Variants in ROR1 observed in about 807,000 individuals in gnomAD.
The protein encoded by ROR1 is inactive tyrosine-protein kinase transmembrane receptor ROR1.
A neutral mutation model predicts 78.8 loss-of-function variants in ROR1; 19 were observed. The ratio of observed to expected loss-of-function variants is 0.24; its 90% CI spans 0.17 to 0.35. The LOEUF is 0.35. Ranked by LOEUF, ROR1 falls within the 10% of genes least tolerant of loss-of-function variation. ROR1 has a pLI of 1.00. For missense variants in ROR1, 917 were observed against 1,177.8 expected (o/e 0.78, Z 3.24); for synonymous variants, 386 against 433.6 (o/e 0.89, Z 1.36).
In ROR1 at chr1:64,179,022, CAGAAAAA is replaced by C; in HGVS notation, c.*169_*175del. 1 of 156,502 alleles carries C rather than the reference CAGAAAAA, an allele frequency of 6.4e-6. No homozygotes were observed. The highest frequency in any genetic ancestry group is 1.1e-5 in the Non-Finnish European group (1 of 91,646). The allele number at this position is 156,502 out of a possible 1,614,324, so 9.7% of individuals were successfully genotyped here. On this transcript the variant is annotated 3_prime_UTR_variant, in exon 9 of 9. Transcript: ENST00000371079. ...TTACCAAGCAGGACAGACACTCGGC[CAGAAAAA>C]AAAAAAAAAAAAAAAAACAAGCAAA... is the stretch of plus-strand genomic sequence containing the variant.
intron 4 of ROR1, among the ~76,000 whole-genome samples, chr1:64,133,659 C>T (rs562574219): frequency 2.4e-4 from 36 of 152,372 alleles, no homozygotes; most frequent in African/African-American, 7.2e-4. Context: ...CAGCGGCGCA[C>T]GCTGGTGCCA....
At chr1:64,022,602 C>T (rs1036759188) in intron 2 of ROR1, among the ~76,000 whole-genome samples, 1 of 152,162 alleles carries the variant, frequency 6.6e-6, no homozygotes, top group African/African-American at 2.4e-5. Flanking sequence ...ATAAGGTAAC[C>T]CCAGGCCATT....
intron 1 of ROR1, among the ~76,000 whole-genome samples, chr1:63,847,041 C>T (rs1167431003): frequency 1.3e-5 from 2 of 152,196 alleles, no homozygotes; most frequent in African/African-American, 2.4e-5. Flanking sequence ...GCCTCTGTCC[C>T]CACAGCCCTG....
At chr1:64,084,633 G>A (rs147160506) in intron 4 of ROR1, among the ~76,000 whole-genome samples, 1 of 152,312 alleles carries the variant, frequency 6.6e-6, no homozygotes, top group East Asian at 1.9e-4. Context: ...GTCTTGTGAA[G>A]AGAAATGCAC....
intron 1 of ROR1, among the ~76,000 whole-genome samples, chr1:63,924,393 AG>A (rs1422402647): frequency 6.6e-6 from 1 of 152,188 alleles, no homozygotes; most frequent in African/African-American, 2.4e-5. Context: ...AAAAATAAGT[AG>A]AAATGAATTT....
chr1:64,077,409 C>T (rs964345217), intron 4 of ROR1, among the ~76,000 whole-genome samples: 41 of 152,226 alleles, frequency 2.7e-4, no homozygotes, highest in African/African-American at 1.2e-4. Context: ...TCCTTTCCAC[C>T]TGAACCTCAG....
chr1:64,048,898 C>G (rs1646806307), intron 2 of ROR1, among the ~76,000 whole-genome samples: 1 of 152,052 alleles, frequency 6.6e-6, no homozygotes, highest in African/African-American at 2.4e-5. Flanking sequence ...GAGCAGGGAC[C>G]AACTACAAAA....
chr1:64,004,033 C>T (rs924084510), intron 1 of ROR1, among the ~76,000 whole-genome samples: 3 of 152,200 alleles, frequency 2.0e-5, no homozygotes, highest in South Asian at 2.1e-4. Flanking sequence ...TCTCAAAGCT[C>T]GGCCTCTGAG....
intron 1 of ROR1, among the ~76,000 whole-genome samples, chr1:63,988,843 T>C (rs1324597665): frequency 2.0e-5 from 3 of 152,232 alleles, no homozygotes; most frequent in African/African-American, 7.2e-5. Flanking sequence ...TGAATAATAT[T>C]ACATTGTATG....
chr1:64,064,969 T>C (rs1262735542), intron 4 of ROR1, among the ~76,000 whole-genome samples: 2 of 152,330 alleles, frequency 1.3e-5, no homozygotes, highest in East Asian at 3.9e-4. Flanking sequence ...AAATAAAAAA[T>C]TGATAAATCA....
At chr1:63,787,480 TCCTG>T (rs771217918) in intron 1 of ROR1, among the ~76,000 whole-genome samples, 10,966 of 119,296 alleles carry the variant, frequency 0.092, 493 homozygotes, top group African/African-American at 0.15. Flanking sequence ...CTTCCTTCCT[TCCTG>T]CCTTCCTGCC....
chr1:64,044,157 C>T (rs1646766268), intron 2 of ROR1, among the ~76,000 whole-genome samples: 1 of 152,168 alleles, frequency 6.6e-6, no homozygotes, highest in Non-Finnish European at 1.5e-5. Context: ...AGCCACTCTG[C>T]TCTCTGACTC....
chr1:63,807,004 G>A (rs1437624110), intron 1 of ROR1, among the ~76,000 whole-genome samples: 2 of 152,192 alleles, frequency 1.3e-5, no homozygotes, highest in Non-Finnish European at 2.9e-5. Flanking sequence ...TGATCAAGGT[G>A]TTCCTCAGTT....
chr1:63,945,928 C>T (rs546676970), intron 1 of ROR1, among the ~76,000 whole-genome samples: 22 of 152,298 alleles, frequency 1.4e-4, no homozygotes, highest in African/African-American at 5.1e-4. Flanking sequence ...AACTGGGGAG[C>T]CCCCAGGCCA....
intron 1 of ROR1, among the ~76,000 whole-genome samples, chr1:63,925,366 G>T: frequency 6.6e-6 from 1 of 150,728 alleles, no homozygotes; most frequent in Non-Finnish European, 1.5e-5. Flanking sequence ...TGGCTGCATA[G>T]TATTCCATGG....
At chr1:64,062,827 G>T (rs1022183997) in intron 4 of ROR1, among the ~76,000 whole-genome samples, 2 of 152,174 alleles carry the variant, frequency 1.3e-5, no homozygotes, top group Non-Finnish European at 2.9e-5. Context: ...TCTTGATGAT[G>T]TTAAAGGGTG....
chr1:64,009,951 C>T (rs115513959), intron 2 of ROR1, among the ~76,000 whole-genome samples: 4,751 of 152,224 alleles, frequency 0.031, 74 homozygotes, highest in African/African-American at 0.044. Context: ...AGTGGTACAT[C>T]AGGACACATT....
intron 1 of ROR1, among the ~76,000 whole-genome samples, chr1:63,857,548 A>T (rs1198939593): frequency 6.6e-6 from 1 of 152,208 alleles, no homozygotes; most frequent in Non-Finnish European, 1.5e-5. Context: ...ATGGTCTGCA[A>T]ATAGCTCTAT....
At chr1:64,050,055 G>T in intron 3 of ROR1, 77 bp downstream of exon 3, 2 of 1,491,686 alleles carry the variant, frequency 1.3e-6, no homozygotes, top group Non-Finnish European at 1.8e-6. Flanking sequence ...ACAGGGACAG[G>T]AAGGAAGGAA....
Sources: allele counts gnomAD v4.1 joint callset (sites outside exome capture counted in the v4.1 genomes callset), GRCh38; gene constraint gnomAD v4.1.1; transcripts MANE v1.5; gene names NCBI Gene and HGNC (gene_info 2026-07-23, HGNC 2026-07-21).